Variants in TRPM3 observed in about 807,000 individuals in gnomAD.
TRPM3 encodes the protein transient receptor potential cation channel subfamily M member 3, also known as long transient receptor potential channel 3.
Under a neutral mutation model 181.2 loss-of-function variants are expected in TRPM3, and 77 were observed. That is an observed-to-expected ratio of 0.42 (90% CI 0.35 to 0.51). The LOEUF (loss-of-function observed/expected upper bound fraction) is 0.51. Ranked by LOEUF, TRPM3 falls within the 20% of genes least tolerant of loss-of-function variation. TRPM3 has a pLI of 0.01. For missense variants in TRPM3, 1,759 were observed against 2,196.7 expected (o/e 0.80, Z 3.98); for synonymous variants, 745 against 796.4 (o/e 0.94, Z 1.09).
intron 8 of TRPM3, among the ~76,000 whole-genome samples, chr9:70,758,017 A>G (rs779418436): frequency 6.6e-6 from 1 of 152,174 alleles, no homozygotes; most frequent in Non-Finnish European, 1.5e-5. Flanking sequence ...GCGTATTCAA[A>G]TAGGAAGAGA....
chr9:70,639,340 C>T, intron 10 of TRPM3, 146 bp from the exon 11 acceptor site: 1 of 837,488 alleles, frequency 1.2e-6, no homozygotes, highest in East Asian at 2.6e-5. Context: ...CAAGACTGTT[C>T]ACAGATTCAC....
At chr9:71,165,883 C>G (rs1403045180) in intron 1 of TRPM3, among the ~76,000 whole-genome samples, 1 of 152,140 alleles carries the variant, frequency 6.6e-6, no homozygotes, top group Non-Finnish European at 1.5e-5. Context: ...GTGGGACAAA[C>G]TATAGAACCT....
intron 1 of TRPM3, among the ~76,000 whole-genome samples, chr9:71,230,256 A>C (rs761061844): frequency 7.9e-5 from 12 of 152,196 alleles, no homozygotes; most frequent in Admixed American, 7.2e-4. Context: ...TGTGGGAGCT[A>C]AAAATTAAAA....
At chr9:71,337,281 A>T (rs1010685716) in intron 1 of TRPM3, among the ~76,000 whole-genome samples, 1 of 152,236 alleles carries the variant, frequency 6.6e-6, no homozygotes, top group African/African-American at 2.4e-5. Context: ...GGATATGAAC[A>T]GACAATTATC....
chr9:70,751,615 T>C (rs2076143830), intron 8 of TRPM3, among the ~76,000 whole-genome samples: 1 of 151,842 alleles, frequency 6.6e-6, no homozygotes, highest in Non-Finnish European at 1.5e-5. Context: ...AACAGAAAAG[T>C]TGGAGGACTA....
intron 1 of TRPM3, among the ~76,000 whole-genome samples, chr9:71,132,545 C>T (rs575176743): frequency 1.3e-5 from 2 of 152,216 alleles, no homozygotes; most frequent in Admixed American, 6.5e-5. Context: ...AATAAAGTGG[C>T]AGTTACACAA....
intron 22 of TRPM3, among the ~76,000 whole-genome samples, chr9:70,576,475 CT>C (rs2053958865): frequency 2.0e-5 from 3 of 150,674 alleles, no homozygotes; most frequent in Admixed American, 6.6e-5. Flanking sequence ...TCTTCTTCTT[CT>C]TCTTCTCCTC....
intron 1 of TRPM3, among the ~76,000 whole-genome samples, chr9:71,225,204 A>C (rs2080517241): frequency 6.6e-6 from 1 of 152,194 alleles, no homozygotes; most frequent in Admixed American, 6.5e-5. Context: ...TCAAGAATGA[A>C]AAAGAATCCT....
At chr9:71,188,420 A>G (rs932569156) in intron 1 of TRPM3, among the ~76,000 whole-genome samples, 1 of 151,968 alleles carries the variant, frequency 6.6e-6, no homozygotes, top group Non-Finnish European at 1.5e-5. Context: ...GTAGAGGTTT[A>G]TATCACTAGA....
intron 12 of TRPM3, among the ~76,000 whole-genome samples, chr9:70,628,178 G>A (rs947759550): frequency 1.3e-5 from 2 of 152,238 alleles, no homozygotes; most frequent in Non-Finnish European, 2.9e-5. Flanking sequence ...GAGTAGAAGA[G>A]TCTCAGAGAC....
chr9:70,907,218 T>C (rs1324601151), intron 1 of TRPM3, among the ~76,000 whole-genome samples: 1 of 152,170 alleles, frequency 6.6e-6, no homozygotes, highest in African/African-American at 2.4e-5. Context: ...TCTGTGGACA[T>C]GTGTAGAGTG....
chr9:71,228,502 G>A (rs559069850), intron 1 of TRPM3, among the ~76,000 whole-genome samples: 11 of 152,188 alleles, frequency 7.2e-5, no homozygotes, highest in Admixed American at 6.6e-4. Flanking sequence ...AAGAAATAAA[G>A]GGTATCCAAA....
chr9:71,138,307 A>G (rs1162247280), intron 1 of TRPM3, among the ~76,000 whole-genome samples: 1 of 152,124 alleles, frequency 6.6e-6, no homozygotes, highest in Non-Finnish European at 1.5e-5. Flanking sequence ...CTATGCCTGA[A>G]ATGCTCCCAT....
At chr9:70,820,524 G>A (rs549535660) in intron 6 of TRPM3, among the ~76,000 whole-genome samples, 5 of 152,220 alleles carry the variant, frequency 3.3e-5, no homozygotes, top group Admixed American at 2.0e-4. Flanking sequence ...CCATTGCGCC[G>A]AGCCTGTTAT....
chr9:70,617,188 GC>G (rs752163814), intron 17 of TRPM3, among the ~76,000 whole-genome samples: 1 of 152,310 alleles, frequency 6.6e-6, no homozygotes, highest in Non-Finnish European at 1.5e-5. Context: ...CAGGTGGCAT[GC>G]TGGCATCTTC....
chr9:70,974,340 C>T (rs75511986), intron 1 of TRPM3, among the ~76,000 whole-genome samples: 14,002 of 105,596 alleles, frequency 0.13, 31 homozygotes, highest in East Asian at 0.17. Context: ...GAGATCGAGA[C>T]CAGCCTGGCT....
rs5898153 is a variant in TRPM3 at position 70,616,511 on chromosome 9, A to AT, written c.2359-437dup. On this transcript the variant is annotated intron_variant, in intron 17 of 25. Transcript: ENST00000677713. Reference sequence around the variant, plus strand: ...TCAATTCATACATCTGTCCACTGGCATTTTTTTTTTTTTTGCTAATGTGTC... The same window carrying AT: ...TCAATTCATACATCTGTCCACTGGCATTTTTTTTTTTTTTTGCTAATGTGTC... Among the ~76,000 whole-genome samples the AT allele has an allele frequency of 4.0e-3, 501 of 125,882 alleles. 5 individuals carry two copies. Among genetic ancestry groups the AT allele is most frequent in the African/African-American group, 0.014 (478 of 33,822 alleles). 82.6% of individuals were successfully genotyped at this position (125,882 alleles called of 152,430 possible). A position where few individuals can be genotyped will look rare whatever the true frequency, so the allele number is the denominator to read the frequency against.
At chr9:70,547,535 CAAAAA>C (rs58051483) in intron 25 of TRPM3, among the ~76,000 whole-genome samples, 7 of 119,322 alleles carry the variant, frequency 5.9e-5, no homozygotes, top group East Asian at 2.1e-4. Context: ...CTTACAAATG[CAAAAA>C]AAAAAAAAAA....
In TRPM3 at chr9:70,972,725, A is replaced by T. The variant is rs1056838249; in HGVS notation, c.178-108214T>A. On this transcript the variant is annotated intron_variant, in intron 1 of 25. Coordinates refer to ENST00000677713, the MANE Select transcript of TRPM3 (RefSeq NM_001366145.2). ...TAAGTCTTCGGACTTGAATCAGTGT[A>T]GATGTTACTTTTCTATGTCTCAGTG... Among the ~76,000 whole-genome samples the T allele has an allele frequency of 7.2e-5, 11 of 152,250 alleles. No individual in the cohort carries two copies. The East Asian group carries it at 1.9e-3, about 27-fold the overall frequency.
Sources: allele counts gnomAD v4.1 joint callset (sites outside exome capture counted in the v4.1 genomes callset), GRCh38; gene constraint gnomAD v4.1.1; transcripts MANE v1.5; gene names NCBI Gene and HGNC (gene_info 2026-07-23, HGNC 2026-07-21).